Variants in PXDNL observed in about 807,000 individuals in gnomAD.
PXDNL encodes the protein peroxidasin like.
Under a neutral mutation model 150.8 loss-of-function variants are expected in PXDNL, and 145 were observed. The ratio of observed to expected loss-of-function variants is 0.96; its 90% CI spans 0.84 to 1.10. The LOEUF (loss-of-function observed/expected upper bound fraction) is 1.10. Ranked by LOEUF, PXDNL falls within the 50% of genes least tolerant of loss-of-function variation. The pLI, the probability that PXDNL is intolerant of heterozygous loss-of-function variation, is 0.00. For synonymous variants in PXDNL, 757 were observed against 725.7 expected, an observed-to-expected ratio of 1.04 and a Z score of -0.69; for missense variants, 2,087 against 1,873.9, an observed-to-expected ratio of 1.11 and a Z score of -2.10.
intron 1 of PXDNL, among the ~76,000 whole-genome samples, chr8:51,803,125 C>T (rs545328633): frequency 3.0e-4 from 46 of 152,278 alleles, no homozygotes; most frequent in African/African-American, 7.9e-4. Flanking sequence ...GCTGCAGCAA[C>T]GAGGCTTCCA....
chr8:51,676,571 C>T (rs1357398527), intron 1 of PXDNL, among the ~76,000 whole-genome samples: 1 of 151,300 alleles, frequency 6.6e-6, no homozygotes, highest in Non-Finnish European at 1.5e-5. Flanking sequence ...GCCACCATGC[C>T]TGGCCGGACT....
chr8:51,623,638 G>A (rs543537546), intron 2 of PXDNL, among the ~76,000 whole-genome samples: 6 of 152,346 alleles, frequency 3.9e-5, no homozygotes, highest in African/African-American at 7.2e-5. Context: ...CCGTGGGCAC[G>A]CCTCTGGCTC....
At chr8:51,716,479 T>C (rs1816618835) in intron 1 of PXDNL, among the ~76,000 whole-genome samples, 2 of 152,364 alleles carry the variant, frequency 1.3e-5, no homozygotes, top group Admixed American at 6.5e-5. Flanking sequence ...CTTCATGCTA[T>C]GTGTTTTTGT....
intron 2 of PXDNL, among the ~76,000 whole-genome samples, chr8:51,639,950 C>T (rs1473919168): frequency 3.9e-5 from 6 of 151,996 alleles, no homozygotes; most frequent in African/African-American, 1.5e-4. Flanking sequence ...CGCAAAAATC[C>T]TCAATAAAAT....
chr8:51,429,657 A>ACT (rs1471081155), intron 12 of PXDNL, among the ~76,000 whole-genome samples: 2 of 151,088 alleles, frequency 1.3e-5, no homozygotes, highest in African/African-American at 4.9e-5. Flanking sequence ...AAGCTACCAA[A>ACT]CTGTCTTCCT....
At position 51,574,371 on chromosome 8, in the gene PXDNL, C is replaced by T. The variant is rs375876274; in HGVS notation, c.309-17460G>A. On this transcript the variant is annotated intron_variant, in intron 3 of 22. Coordinates refer to ENST00000356297, the MANE Select transcript of PXDNL (RefSeq NM_144651.5). ...AGTAGATATTACTCAATCTGAACCACAGAGAGAAGAACATAGACATTAAAA... is the reference window on the plus strand; with the variant it reads ...AGTAGATATTACTCAATCTGAACCATAGAGAGAAGAACATAGACATTAAAA... 4.8e-4 allele frequency among the ~76,000 whole-genome samples: 73 copies of T among 151,642 alleles called. No individual in the cohort carries two copies. In the East Asian group the frequency reaches 0.012, roughly 24 times the overall value.
chr8:51,747,138 G>A (rs1204775582), intron 1 of PXDNL, among the ~76,000 whole-genome samples: 1 of 152,194 alleles, frequency 6.6e-6, no homozygotes, highest in Admixed American at 6.5e-5. Flanking sequence ...ATGGAGTTTT[G>A]TTTGTCGATA....
chr8:51,761,163 G>A (rs1292939450), intron 1 of PXDNL, among the ~76,000 whole-genome samples: 3 of 151,368 alleles, frequency 2.0e-5, no homozygotes, highest in South Asian at 2.1e-4. Flanking sequence ...GTGAGCCACC[G>A]CGGCCGGCCT....
chr8:51,738,985 T>C (rs1032773256), intron 1 of PXDNL, among the ~76,000 whole-genome samples: 2 of 151,154 alleles, frequency 1.3e-5, no homozygotes, highest in African/African-American at 4.9e-5. Flanking sequence ...GGCAGAAGAG[T>C]TATTGGCAAA....
chr8:51,412,102 G>A (rs1383494159), intron 15 of PXDNL, among the ~76,000 whole-genome samples: 3 of 152,130 alleles, frequency 2.0e-5, no homozygotes, highest in African/African-American at 7.2e-5. Flanking sequence ...TTGTAGAACT[G>A]AACCAAATAT....
intron 6 of PXDNL, among the ~76,000 whole-genome samples, chr8:51,477,674 G>C (rs1026429698): frequency 2.6e-5 from 4 of 152,170 alleles, no homozygotes; most frequent in African/African-American, 9.7e-5. Flanking sequence ...GCATCACCAT[G>C]ACGTTCCTCT....
chr8:51,545,977 G>A (rs901232421), intron 4 of PXDNL, among the ~76,000 whole-genome samples: 1 of 152,194 alleles, frequency 6.6e-6, no homozygotes. Flanking sequence ...GACATGGGTG[G>A]GTAGGGAGGA....
intron 1 of PXDNL, among the ~76,000 whole-genome samples, chr8:51,744,204 AAAAG>A (rs1196209089): frequency 4.0e-5 from 6 of 149,586 alleles, no homozygotes; most frequent in African/African-American, 4.9e-5. Context: ...AAGAAAAAAG[AAAAG>A]AAAGGAAGGA....
At chr8:51,538,777 A>T (rs75102370) in intron 4 of PXDNL, among the ~76,000 whole-genome samples, 143 of 152,306 alleles carry the variant, frequency 9.4e-4, no homozygotes, top group African/African-American at 3.4e-3. Context: ...AAATAAATAA[A>T]TAAATTAATT....
At chr8:51,373,952 G>A (rs961353) in intron 18 of PXDNL, among the ~76,000 whole-genome samples, 125,125 of 152,246 alleles carry the variant, frequency 0.82, 51,580 homozygotes, top group East Asian at 0.95. Context: ...AACAGATTAC[G>A]TGACTAACTT....
intron 17 of PXDNL, among the ~76,000 whole-genome samples, chr8:51,386,468 T>C (rs937423378): frequency 2.6e-5 from 4 of 151,686 alleles, no homozygotes; most frequent in African/African-American, 7.3e-5. Flanking sequence ...AGATGACTGA[T>C]AGAAAAAGAG....
At chr8:51,600,561 A>T (rs1230901044) in intron 2 of PXDNL, among the ~76,000 whole-genome samples, 4 of 134,584 alleles carry the variant, frequency 3.0e-5, no homozygotes, top group Middle Eastern at 0.011. Context: ...TATATAAATT[A>T]TATCGTTTAG....
At chr8:51,769,985 A>G (rs1477074834) in intron 1 of PXDNL, among the ~76,000 whole-genome samples, 5 of 152,126 alleles carry the variant, frequency 3.3e-5, no homozygotes, top group Non-Finnish European at 7.4e-5. Flanking sequence ...CCACCCTCAG[A>G]TCATGGTAAT....
At chr8:51,685,169 A>T (rs1815845614) in intron 1 of PXDNL, among the ~76,000 whole-genome samples, 1 of 152,186 alleles carries the variant, frequency 6.6e-6, no homozygotes, top group South Asian at 2.1e-4. Context: ...GATTATAGGT[A>T]TCACCACACT....
Sources: gnomAD v4.1 joint callset for allele counts (sites outside exome capture counted in the v4.1 genomes callset) on GRCh38, gnomAD v4.1.1 for gene constraint, MANE v1.5 for transcripts, NCBI Gene and HGNC (gene_info 2026-07-23, HGNC 2026-07-21) for gene names.